NDRG1: variants seen among roughly 807,000 people sequenced by gnomAD.
NDRG1 encodes the protein protein NDRG1.
A neutral mutation model predicts 56.9 loss-of-function variants in NDRG1; 32 were observed. The ratio of observed to expected loss-of-function variants is 0.56; its 90% CI spans 0.42 to 0.76. The LOEUF (loss-of-function observed/expected upper bound fraction) is 0.76, where lower values mean the gene tolerates loss of function less well. Among genes scored for constraint, NDRG1 ranks in the 30% least tolerant of loss-of-function variants. The pLI, the probability that NDRG1 is intolerant of heterozygous loss-of-function variation, is 0.00. For missense variants in NDRG1, 507 were observed against 545.7 expected (o/e 0.93, Z 0.71); for synonymous variants, 211 against 204.1 (o/e 1.03, Z -0.29).
rs1428792278 is a variant in NDRG1 at position 133,262,173 on chromosome 8, G to A, written c.206-6C>T. 6.2e-7 allele frequency: 1 copy of A among 1,613,832 alleles called. No homozygotes were observed. The highest frequency in any genetic ancestry group is 8.5e-7 in the Non-Finnish European group (1 of 1,179,990). ...GGGGTTGTAGCAGGTTTTGTCTGAAGAACAGCAGTGAGGGAGAGAAGAGAA... is the reference window on the plus strand; with the variant it reads ...GGGGTTGTAGCAGGTTTTGTCTGAAAAACAGCAGTGAGGGAGAGAAGAGAA... On this transcript the variant is annotated splice_region_variant and splice_polypyrimidine_tract_variant and intron_variant, in intron 4 of 15. Transcript: ENST00000323851.
intron 13 of NDRG1, 93 bp downstream of exon 13, chr8:133,246,523 C>T: frequency 8.0e-7 from 1 of 1,252,974 alleles, no homozygotes; most frequent in South Asian, 1.2e-5. Flanking sequence ...TGATCGTGTG[C>T]CTTGCCTTTT....
chr8:133,243,270 G>T (rs1372286849), intron 14 of NDRG1, among the ~76,000 whole-genome samples: 1 of 152,218 alleles, frequency 6.6e-6, no homozygotes, highest in Non-Finnish European at 1.5e-5. Flanking sequence ...AGAGAAGCAG[G>T]TCAGGGCTGC....
At chr8:133,241,775 A>AC (rs1564279021) in intron 15 of NDRG1, 1 of 591,342 alleles carries the variant, frequency 1.7e-6, no homozygotes, top group Non-Finnish European at 3.0e-6. Context: ...CCTCATCTAA[A>AC]CCCCCCAAAA....
chr8:133,248,944 A>G (rs1855854874), intron 10 of NDRG1, among the ~76,000 whole-genome samples, 173 bp from the exon 11 acceptor site: 1 of 152,194 alleles, frequency 6.6e-6, no homozygotes, highest in Non-Finnish European at 1.5e-5. Context: ...CTTGGTGTCC[A>G]CAGACCTGGT....
At chr8:133,240,944 A>G (rs1855345288) in intron 15 of NDRG1, 1 of 152,194 alleles carries the variant, frequency 6.6e-6, no homozygotes, top group Non-Finnish European at 1.5e-5. Flanking sequence ...GAGCCCCACT[A>G]GCAGATAGCT....
At chr8:133,243,390 C>G (rs1855491245) in intron 14 of NDRG1, among the ~76,000 whole-genome samples, 1 of 152,192 alleles carries the variant, frequency 6.6e-6, no homozygotes, top group African/African-American at 2.4e-5. Flanking sequence ...GGCAATCTCT[C>G]TCAACTTTTG....
At chr8:133,273,226 T>A (rs1429239885) in intron 3 of NDRG1, among the ~76,000 whole-genome samples, 2 of 149,470 alleles carry the variant, frequency 1.3e-5, no homozygotes, top group African/African-American at 4.9e-5. Flanking sequence ...TAACTCAAGA[T>A]CCAGGTGGAG....
chr8:133,259,051 A>T, intron 6 of NDRG1, 117 bp downstream of exon 6: 1 of 1,043,086 alleles, frequency 9.6e-7, no homozygotes, highest in Non-Finnish European at 1.5e-6. Flanking sequence ...TTCTTGCCTC[A>T]TCTCTAAATT....
intron 11 of NDRG1, 129 bp from the exon 12 acceptor site, chr8:133,248,055 C>G: frequency 2.4e-6 from 2 of 840,012 alleles, no homozygotes; most frequent in Non-Finnish European, 2.1e-6. Context: ...ACCCTTTGCT[C>G]TTTTACTTCA....
chr8:133,244,253 T>C (rs1855541086), intron 14 of NDRG1, 102 bp downstream of exon 14: 1 of 1,401,028 alleles, frequency 7.1e-7, no homozygotes, highest in Non-Finnish European at 1.0e-6. Context: ...TGTCATCCGA[T>C]GTCACAGCAA....
Position 133,250,526 on chromosome 8 carries a change from G to A in NDRG1, c.612C>T (p.Asn204=), listed in dbSNP as rs766402088. 30 of 1,613,962 alleles carry A rather than the reference G, an allele frequency of 1.9e-5. No individual in the cohort carries two copies. The highest frequency in any genetic ancestry group is 5.3e-5 in the African/African-American group (4 of 74,892). The change falls in exon 10 of 16, where the codon AAC becomes AAT. Residue 204 remains asparagine, a synonymous_variant. Transcript: ENST00000323851. ...GGCGGTAGGTGTGGACCACTTCCAC[G>A]TTACTCTGCATTTCTTCCTGCATTT... ...HLFGKEEMQS[N]VEVVHTYRQH... is the part of the protein sequence containing the mutation.
At chr8:133,272,597 G>C (rs969555757) in intron 3 of NDRG1, among the ~76,000 whole-genome samples, 1 of 152,202 alleles carries the variant, frequency 6.6e-6, no homozygotes, top group Admixed American at 6.5e-5. Flanking sequence ...GACACACCTC[G>C]GAGGCCTGGG....
At position 133,259,523 on chromosome 8, in the gene NDRG1, T is replaced by A; in HGVS notation, c.327-293A>T. 6 of 469,902 alleles carry A rather than the reference T, an allele frequency of 1.3e-5. No individual in the cohort carries two copies. In the Middle Eastern group the frequency reaches 1.8e-3, roughly 141 times the overall value. 29.1% of individuals were successfully genotyped at this position (469,902 alleles called of 1,614,324 possible). Reference sequence around the variant, plus strand: ...TCCCCTCATAGCAAGATTATAAACATCACTGAGGCTGAGAGATGAGACACT... The same window carrying A: ...TCCCCTCATAGCAAGATTATAAACAACACTGAGGCTGAGAGATGAGACACT... On this transcript the variant is annotated intron_variant, in intron 5 of 15. Transcript: ENST00000323851.
rs567981107 is a variant in NDRG1, at chr8:133,266,149, C to T, written c.100-1497G>A. On this transcript the variant is annotated intron_variant, in intron 3 of 15. Coordinates refer to ENST00000323851, the MANE Select transcript of NDRG1 (RefSeq NM_006096.4). ...GTGAAGTCAGTATCCCAGAGTCACACGGGCAGGCAGCACAGAGGCAGGTCC... is the reference window on the plus strand; with the variant it reads ...GTGAAGTCAGTATCCCAGAGTCACATGGGCAGGCAGCACAGAGGCAGGTCC... Among the ~76,000 whole-genome samples the T allele has an allele frequency of 3.3e-5, 5 of 152,356 alleles. No individual in the cohort carries two copies. In the East Asian group the frequency reaches 5.8e-4, roughly 18 times the overall value.
chr8:133,244,524 G>C, intron 13 of NDRG1, 134 bp from the exon 14 acceptor site: 1 of 1,044,700 alleles, frequency 9.6e-7, no homozygotes, highest in Non-Finnish European at 1.5e-6. Context: ...AGGAGGAACA[G>C]GGTGGACCGT....
At chr8:133,273,852 C>T (rs1857319645) in intron 3 of NDRG1, among the ~76,000 whole-genome samples, 1 of 152,190 alleles carries the variant, frequency 6.6e-6, no homozygotes, top group Non-Finnish European at 1.5e-5. Flanking sequence ...AAGTCTTGGA[C>T]TCTAGAATTC....
At chr8:133,248,855 C>G in intron 10 of NDRG1, 84 bp from the exon 11 acceptor site, 2 of 1,519,646 alleles carry the variant, frequency 1.3e-6, no homozygotes, top group Non-Finnish European at 1.8e-6. Flanking sequence ...CCCAGGAGGT[C>G]CTGCCAGTGG....
chr8:133,276,231 T>C (rs186572827), intron 3 of NDRG1, among the ~76,000 whole-genome samples: 9 of 152,310 alleles, frequency 5.9e-5, no homozygotes, highest in East Asian at 1.9e-4. Context: ...CTGAGCCACA[T>C]AGGTTGACCT....
intron 3 of NDRG1, among the ~76,000 whole-genome samples, chr8:133,274,076 G>T (rs1289722559): frequency 1.3e-5 from 2 of 152,138 alleles, no homozygotes; most frequent in East Asian, 3.9e-4. Context: ...GCCAGGTGGG[G>T]GCCTGACAGC....
Sources: allele counts gnomAD v4.1 joint callset (sites outside exome capture counted in the v4.1 genomes callset), GRCh38; gene constraint gnomAD v4.1.1; transcripts MANE v1.5; gene names NCBI Gene and HGNC (gene_info 2026-07-23, HGNC 2026-07-21).